Variants in ADAMTS17 observed in about 807,000 individuals in gnomAD.
The protein encoded by ADAMTS17 is ADAM metallopeptidase with thrombospondin type 1 motif 17.
A neutral mutation model predicts 141.5 loss-of-function variants in ADAMTS17; 113 were observed. The observed-to-expected ratio is 0.80, with a 90% confidence interval of 0.69 to 0.93. The LOEUF is 0.93. ADAMTS17 is among the 40% of genes least tolerant of loss of function. The probability of loss-of-function intolerance (pLI) is 0.00; values close to 1 mark genes in which losing one functional copy is unlikely to be tolerated. For synonymous variants in ADAMTS17, 768 were observed against 630.6 expected (o/e 1.22, Z -3.27); for missense variants, 1,659 against 1,517.9 (o/e 1.09, Z -1.54).
rs1446651003 is a variant in ADAMTS17, at chr15:99,971,839, G to A, written c.*2563C>T. The A allele has an allele frequency of 6.6e-5, 10 of 152,196 alleles. No homozygotes were observed. The allele number at this position is 152,196 out of a possible 1,614,324, so 9.4% of individuals were successfully genotyped here. A position where few individuals can be genotyped will look rare whatever the true frequency, so the allele number is the denominator to read the frequency against. On this transcript the variant is annotated 3_prime_UTR_variant, in exon 22 of 22. Coordinates refer to ENST00000268070, the MANE Select transcript of ADAMTS17 (RefSeq NM_139057.4). Reference sequence around the variant, plus strand: ...GTACAGTACTCGAGGGACAGTACAGGGTATTAACACAGAAACATCACTGCT... The same window carrying A: ...GTACAGTACTCGAGGGACAGTACAGAGTATTAACACAGAAACATCACTGCT...
At chr15:100,289,610 A>T (rs118016916) in intron 3 of ADAMTS17, among the ~76,000 whole-genome samples, 1,690 of 152,172 alleles carry the variant, frequency 0.011, 15 homozygotes, top group Non-Finnish European at 0.017. Flanking sequence ...AGATGCAAAA[A>T]TCTTCAACAA....
At chr15:100,249,204 G>C (rs1000474329) in intron 7 of ADAMTS17, among the ~76,000 whole-genome samples, 4 of 152,080 alleles carry the variant, frequency 2.6e-5, no homozygotes, top group African/African-American at 4.8e-5. Context: ...GGAGAATCAG[G>C]GCCTTGGAAA....
At chr15:100,312,103 C>T (rs1349290788) in intron 3 of ADAMTS17, among the ~76,000 whole-genome samples, 1 of 152,196 alleles carries the variant, frequency 6.6e-6, no homozygotes, top group African/African-American at 2.4e-5. Context: ...ATGTCCACAT[C>T]CTAATCCCCA....
chr15:100,075,823 G>T (rs1269435420), intron 15 of ADAMTS17, among the ~76,000 whole-genome samples: 2 of 152,074 alleles, frequency 1.3e-5, no homozygotes, highest in African/African-American at 4.8e-5. Context: ...TTCCACTGCT[G>T]TTTTTCTCAA....
intron 8 of ADAMTS17, among the ~76,000 whole-genome samples, chr15:100,182,983 TTC>T (rs1442284868): frequency 1.3e-5 from 2 of 152,002 alleles, no homozygotes; most frequent in South Asian, 4.1e-4. Flanking sequence ...GCTTCTGGGA[TTC>T]TTTTTCTTTT....
chr15:100,251,230 C>T (rs1436876456), intron 7 of ADAMTS17, among the ~76,000 whole-genome samples: 2 of 152,152 alleles, frequency 1.3e-5, no homozygotes, highest in South Asian at 4.1e-4. Flanking sequence ...CCACCCAGTC[C>T]CGACCATTAA....
intron 7 of ADAMTS17, among the ~76,000 whole-genome samples, chr15:100,215,679 C>T (rs2141748178): frequency 6.6e-6 from 1 of 152,152 alleles, no homozygotes; most frequent in South Asian, 2.1e-4. Flanking sequence ...GGTCCCTCCC[C>T]AGGTGTAAGG....
intron 8 of ADAMTS17, among the ~76,000 whole-genome samples, chr15:100,161,394 T>C (rs2039687224): frequency 6.6e-6 from 1 of 152,014 alleles, no homozygotes; most frequent in South Asian, 2.1e-4. Flanking sequence ...CACCTCAAAG[T>C]AGTCTTGGCT....
intron 20 of ADAMTS17, chr15:99,976,639 G>A (rs1046566197): frequency 4.1e-5 from 13 of 316,578 alleles, no homozygotes; most frequent in Non-Finnish European, 5.5e-5. Flanking sequence ...TGAGGGTGGA[G>A]CCTCCATGCT....
At chr15:100,225,597 C>T (rs939844734) in intron 7 of ADAMTS17, among the ~76,000 whole-genome samples, 1 of 147,934 alleles carries the variant, frequency 6.8e-6, no homozygotes, top group Non-Finnish European at 1.5e-5. Flanking sequence ...GGTCTCTGTG[C>T]CATTCAGTCC....
intron 10 of ADAMTS17, among the ~76,000 whole-genome samples, chr15:100,143,165 G>A (rs1251097325): frequency 6.6e-6 from 1 of 152,206 alleles, no homozygotes; most frequent in East Asian, 1.9e-4. Flanking sequence ...ATGTGAGAAA[G>A]CGGTGGGACT....
intron 18 of ADAMTS17, among the ~76,000 whole-genome samples, chr15:100,030,011 A>T (rs958819395): frequency 5.9e-5 from 9 of 152,168 alleles, no homozygotes; most frequent in Non-Finnish European, 1.2e-4. Context: ...GAGCCACTAG[A>T]CATATTGGGA....
intron 4 of ADAMTS17, among the ~76,000 whole-genome samples, chr15:100,263,196 C>G (rs1051906471): frequency 4.6e-5 from 7 of 152,172 alleles, no homozygotes; most frequent in African/African-American, 1.7e-4. Flanking sequence ...CAGATGCCTG[C>G]TGCTGAACGC....
At chr15:100,319,997 A>T (rs984405424) in intron 3 of ADAMTS17, among the ~76,000 whole-genome samples, 6 of 152,190 alleles carry the variant, frequency 3.9e-5, no homozygotes, top group African/African-American at 1.4e-4. Context: ...AAAGAATAGG[A>T]CACTATAAAA....
chr15:100,197,338 G>A (rs774616030), intron 8 of ADAMTS17, among the ~76,000 whole-genome samples: 7 of 152,154 alleles, frequency 4.6e-5, no homozygotes, highest in African/African-American at 1.2e-4. Flanking sequence ...ATAGCAACTC[G>A]GGTGTTGGTA....
chr15:100,324,989 T>G (rs1349327473), intron 3 of ADAMTS17, among the ~76,000 whole-genome samples: 1 of 152,216 alleles, frequency 6.6e-6, no homozygotes, highest in Non-Finnish European at 1.5e-5. Flanking sequence ...ACTGAATAGC[T>G]GACCAGCCAA....
chr15:100,090,935 G>A (rs1445729624), intron 15 of ADAMTS17, among the ~76,000 whole-genome samples: 1 of 148,884 alleles, frequency 6.7e-6, no homozygotes, highest in Non-Finnish European at 1.5e-5. Context: ...TTGAACCCGG[G>A]AGGCGGAGGT....
chr15:100,055,120 G>A lies in ADAMTS17; in HGVS notation c.2138-1066C>T, dbSNP rs111346801. ...AAATGGGAACTCCAGGGCACCCTCA[G>A]TCCTATGCCCACACTCCCTGTACAC... On this transcript the variant is annotated intron_variant, in intron 15 of 21. Transcript: ENST00000268070. 5.0e-3 allele frequency among the ~76,000 whole-genome samples: 756 copies of A among 152,256 alleles called. 9 individuals carry two copies. The highest frequency in any genetic ancestry group is 0.017 in the African/African-American group (704 of 41,538).
chr15:100,125,359 GCA>G (rs1000111020), intron 12 of ADAMTS17, among the ~76,000 whole-genome samples: 1 of 152,206 alleles, frequency 6.6e-6, no homozygotes, highest in African/African-American at 2.4e-5. Flanking sequence ...CACATGGAAA[GCA>G]CATAGATGGG....
Sources: gnomAD v4.1 joint callset for allele counts (sites outside exome capture counted in the v4.1 genomes callset) on GRCh38, gnomAD v4.1.1 for gene constraint, MANE v1.5 for transcripts, NCBI Gene and HGNC (gene_info 2026-07-23, HGNC 2026-07-21) for gene names.